CCDC40: variants seen among roughly 807,000 people sequenced by gnomAD.
CCDC40 encodes the protein coiled-coil domain 40 molecular ruler complex subunit.
In CCDC40, 104 loss-of-function variants were observed where a neutral mutation model predicts 124.5. That is an observed-to-expected ratio of 0.84 (90% CI 0.71 to 0.98). The LOEUF (loss-of-function observed/expected upper bound fraction) is 0.98, where lower values mean the gene tolerates loss of function less well. Ranked by LOEUF, CCDC40 falls within the 50% of genes least tolerant of loss-of-function variation. The probability of loss-of-function intolerance (pLI) is 0.00; values close to 1 mark genes in which losing one functional copy is unlikely to be tolerated. For synonymous variants in CCDC40, 580 were observed against 602.9 expected, an observed-to-expected ratio of 0.96 and a Z score of 0.56; for missense variants, 1,463 against 1,503.9, an observed-to-expected ratio of 0.97 and a Z score of 0.45.
intron 16 of CCDC40, among the ~76,000 whole-genome samples, chr17:80,088,617 G>C (rs1192618006): frequency 6.6e-6 from 1 of 152,224 alleles, no homozygotes; most frequent in Non-Finnish European, 1.5e-5. Context: ...GACAAGACGG[G>C]GCAACACAGT....
At chr17:80,055,935 C>A (rs902198395) in intron 7 of CCDC40, among the ~76,000 whole-genome samples, 1 of 140,424 alleles carries the variant, frequency 7.1e-6, no homozygotes, top group East Asian at 2.1e-4. Flanking sequence ...CCTCAGCTTC[C>A]CAAGTAGCTG....
At chr17:80,069,722 G>A (rs1025156235) in intron 10 of CCDC40, among the ~76,000 whole-genome samples, 1 of 152,118 alleles carries the variant, frequency 6.6e-6, no homozygotes, top group African/African-American at 2.4e-5. Flanking sequence ...CTGCACTCCA[G>A]CCTGGGTGAC....
intron 17 of CCDC40, among the ~76,000 whole-genome samples, chr17:80,092,549 G>C (rs1352840989): frequency 6.6e-6 from 1 of 152,196 alleles, no homozygotes; most frequent in Non-Finnish European, 1.5e-5. Context: ...TATTGAGCCT[G>C]ACTTTCCTTG....
At chr17:80,061,351 A>C (rs2037890211) in intron 9 of CCDC40, among the ~76,000 whole-genome samples, 1 of 152,032 alleles carries the variant, frequency 6.6e-6, no homozygotes, top group South Asian at 2.1e-4. Flanking sequence ...ATCTCAAAAA[A>C]CAAAACAAAA....
At position 80,089,849 on chromosome 17, in the gene CCDC40, A is replaced by G; in HGVS notation, c.2797A>G (p.Ile933Val). 1 of 1,614,244 alleles carries G rather than the reference A, an allele frequency of 6.2e-7. No individual in the cohort carries two copies. The highest frequency in any genetic ancestry group is 8.5e-7 in the Non-Finnish European group (1 of 1,180,030). The change falls in exon 17 of 20, where the codon ATC (isoleucine) becomes GTC (valine). Residue 933 changes from isoleucine to valine, a missense_variant. Ile to Val is a conservative substitution (Grantham distance 29, BLOSUM62 3). Transcript: ENST00000397545. ...SVDSEIGQTE[I>V]RAMKGEIHRM... ...GGATTCCGAGATCGGCCAGACGGAG[A>G]TCCGGGCCATGAAGGGCGAGATCCA...
chr17:80,087,803 G>A lies in CCDC40; in HGVS notation c.2619+27G>A. The A allele has an allele frequency of 6.2e-7, 1 of 1,610,938 alleles. No individual in the cohort carries two copies. Among genetic ancestry groups the A allele is most frequent in the Non-Finnish European group, 8.5e-7 (1 of 1,177,376 alleles). ...TCCGGCCGTGTCCACGCAGTCCCGGGGCTCAGGACGATGGAGGGCGGGGGT... is the reference window on the plus strand; with the variant it reads ...TCCGGCCGTGTCCACGCAGTCCCGGAGCTCAGGACGATGGAGGGCGGGGGT... On this transcript the variant is annotated intron_variant, in intron 15 of 19. Transcript: ENST00000397545. The surrounding 1 kb of genome is among the most constrained non-coding windows in gnomAD (Gnocchi z 4.5).
At chr17:80,088,550 C>T (rs1371701512) in intron 16 of CCDC40, among the ~76,000 whole-genome samples, 2 of 152,228 alleles carry the variant, frequency 1.3e-5, no homozygotes, top group Non-Finnish European at 2.9e-5. Context: ...CCGTGCCCAG[C>T]AATCCCAGTG....
At position 80,050,213 on chromosome 17, in the gene CCDC40, G is replaced by A. The variant is rs375609567; in HGVS notation, c.1089G>A (p.Glu363=). 19 of 1,608,992 alleles carry A rather than the reference G, an allele frequency of 1.2e-5. No individual in the cohort carries two copies. In the African/African-American group the frequency reaches 1.2e-4, roughly 10 times the overall value. The stretch of plus-strand genomic sequence containing the variant: ...CCTCGAGCGAGCGCAGGCAGAAGGA[G>A]GAGGAGCTGCAGGCCGCCCGCGCTC... ...AMASSERRQK[E]EELQAARALY... is the part of the protein sequence containing the mutation. Residue 363 remains glutamate (E), a synonymous_variant, in exon 7 of 20, where the codon GAG becomes GAA. Transcript: ENST00000397545.
intron 10 of CCDC40, among the ~76,000 whole-genome samples, chr17:80,072,901 G>C (rs2038225984): frequency 6.6e-6 from 1 of 151,862 alleles, no homozygotes; most frequent in Admixed American, 6.6e-5. Flanking sequence ...TCTTTGCATG[G>C]AGACGTGTTT....
intron 17 of CCDC40, among the ~76,000 whole-genome samples, chr17:80,091,489 G>T (rs1162433677): frequency 1.3e-5 from 2 of 152,078 alleles, no homozygotes; most frequent in African/African-American, 4.8e-5. Flanking sequence ...TGAGAAGGAG[G>T]CAACGGTGTC....
intron 18 of CCDC40, among the ~76,000 whole-genome samples, chr17:80,096,228 C>A (rs552542561): frequency 6.6e-6 from 1 of 152,294 alleles, no homozygotes; most frequent in African/African-American, 2.4e-5. Flanking sequence ...TGGAGCCACG[C>A]TGGACCATTC....
rs1198869526 is a variant in CCDC40 at position 80,050,235 on chromosome 17, G to A, written c.1111G>A (p.Ala371Thr). The A allele has an allele frequency of 8.1e-6, 13 of 1,597,718 alleles. No individual in the cohort carries two copies. The highest frequency in any genetic ancestry group is 2.2e-5 in the South Asian group (2 of 89,304). The change falls in exon 7 of 20, where the codon GCT becomes ACT. Residue 371 changes from alanine to threonine, a missense_variant. Coordinates refer to ENST00000397545, the MANE Select transcript of CCDC40 (RefSeq NM_017950.4). Reference sequence around the variant, plus strand: ...GGAGGAGGAGCTGCAGGCCGCCCGCGCTCTCTACACCAAGACCTGCGCAGC... The same window carrying A: ...GGAGGAGGAGCTGCAGGCCGCCCGCACTCTCTACACCAAGACCTGCGCAGC... ...QKEEELQAAR[A>T]LYTKTCAAAN... is the part of the protein sequence containing the mutation.
chr17:80,085,207 G>A (rs1453340588), intron 13 of CCDC40, among the ~76,000 whole-genome samples: 2 of 152,224 alleles, frequency 1.3e-5, no homozygotes, highest in African/African-American at 4.8e-5. Context: ...TGGCCAGTTG[G>A]TCTCTCTGGC....
intron 5 of CCDC40, among the ~76,000 whole-genome samples, chr17:80,049,656 C>T (rs1030457776): frequency 6.6e-6 from 1 of 152,096 alleles, no homozygotes; most frequent in African/African-American, 2.4e-5. Flanking sequence ...CCACCCCACC[C>T]TCTGGCCCCA....
intron 2 of CCDC40, 62 bp downstream of exon 2, chr17:80,038,248 A>G: frequency 8.6e-7 from 1 of 1,168,024 alleles, no homozygotes; most frequent in Admixed American, 1.8e-5. Flanking sequence ...AGAGAATCAG[A>G]GTACGGGCAC....
At chr17:80,064,634 T>C (rs1045110109) in intron 9 of CCDC40, among the ~76,000 whole-genome samples, 1 of 152,048 alleles carries the variant, frequency 6.6e-6, no homozygotes, top group East Asian at 1.9e-4. Context: ...GGAACTCCCC[T>C]TTCCCTTGGA....
chr17:80,085,873 T>C (rs2143747916), intron 13 of CCDC40, 130 bp from the exon 14 acceptor site: 7 of 803,044 alleles, frequency 8.7e-6, no homozygotes, highest in Non-Finnish European at 1.5e-5. Flanking sequence ...TTTCACCCTG[T>C]TGGCCAGGCT....
intron 10 of CCDC40, chr17:80,067,676 A>T: frequency 6.5e-7 from 1 of 1,535,972 alleles, no homozygotes; most frequent in Non-Finnish European, 8.7e-7. Flanking sequence ...GGATCCGCGA[A>T]TGCTAACGCT....
At chr17:80,068,235 T>C (rs1380687512) in intron 10 of CCDC40, among the ~76,000 whole-genome samples, 1 of 152,182 alleles carries the variant, frequency 6.6e-6, no homozygotes, top group Admixed American at 6.5e-5. Context: ...GGTTTCACCA[T>C]GTGGGCCAGG....
Sources: allele counts gnomAD v4.1 joint callset (sites outside exome capture counted in the v4.1 genomes callset), GRCh38; gene constraint gnomAD v4.1.1; non-coding constraint Gnocchi (gnomAD v3.1); transcripts MANE v1.5; gene names NCBI Gene and HGNC (gene_info 2026-07-23, HGNC 2026-07-21).